Variants in TMEM170A observed in about 807,000 individuals in gnomAD.
TMEM170A encodes the protein transmembrane protein 170A.
A neutral mutation model predicts 12.8 loss-of-function variants in TMEM170A; 18 were observed. The observed-to-expected ratio is 1.41, with a 90% CI of 0.97 to 2.09. The LOEUF (loss-of-function observed/expected upper bound fraction) is 2.09, where lower values mean the gene tolerates loss of function less well. Ranked by LOEUF, TMEM170A falls within the 30% of genes most tolerant of loss-of-function variation. The pLI is 0.00. For synonymous variants in TMEM170A, 107 were observed against 76.2 expected (o/e 1.40, Z -2.11); for missense variants, 220 against 179.9 (o/e 1.22, Z -1.28).
chr16:75,456,863 G>T (rs370340750), intron 1 of TMEM170A, among the ~76,000 whole-genome samples: 2 of 152,054 alleles, frequency 1.3e-5, no homozygotes, highest in East Asian at 3.8e-4. Context: ...ACCACCCACC[G>T]CCAGCTCATC....
At chr16:75,458,737 T>C (rs1335663154) in intron 1 of TMEM170A, 1 of 152,154 alleles carries the variant, frequency 6.6e-6, no homozygotes, top group African/African-American at 2.4e-5. Flanking sequence ...ACAGTAGCAA[T>C]AGCAGTCATA....
intron 1 of TMEM170A, among the ~76,000 whole-genome samples, chr16:75,453,702 T>C (rs1475458341): frequency 6.6e-6 from 1 of 152,188 alleles, no homozygotes; most frequent in Non-Finnish European, 1.5e-5. Flanking sequence ...AAAATATAAA[T>C]GTTTGGCTTG....
At chr16:75,455,796 A>T (rs899476314) in intron 1 of TMEM170A, among the ~76,000 whole-genome samples, 1 of 152,198 alleles carries the variant, frequency 6.6e-6, no homozygotes, top group Admixed American at 6.6e-5. Flanking sequence ...ACAAGGTAAG[A>T]AAAAACAAAG....
intron 1 of TMEM170A, among the ~76,000 whole-genome samples, chr16:75,455,986 T>C (rs2079786593): frequency 1.3e-5 from 2 of 152,002 alleles, no homozygotes; most frequent in African/African-American, 2.4e-5. Context: ...GTGTGTTTTT[T>C]CCCCCAGATC....
chr16:75,462,203 G>C (rs1260095305), intron 1 of TMEM170A, among the ~76,000 whole-genome samples: 2 of 152,286 alleles, frequency 1.3e-5, no homozygotes. Context: ...TATCAATGAA[G>C]ATACAAATTG....
At chr16:75,455,137 C>T (rs771683980) in intron 1 of TMEM170A, among the ~76,000 whole-genome samples, 1 of 152,118 alleles carries the variant, frequency 6.6e-6, no homozygotes, top group Non-Finnish European at 1.5e-5. Flanking sequence ...GCAGGCAGAT[C>T]ACGAGGTCAG....
At chr16:75,450,623 A>G (rs2079665256) in intron 2 of TMEM170A, among the ~76,000 whole-genome samples, 1 of 152,052 alleles carries the variant, frequency 6.6e-6, no homozygotes, top group Admixed American at 6.6e-5. Flanking sequence ...GGGGAAAAAA[A>G]TAACTAGAGC....
intron 1 of TMEM170A, among the ~76,000 whole-genome samples, chr16:75,452,171 C>T (rs1325083513): frequency 2.0e-5 from 3 of 152,064 alleles, no homozygotes; most frequent in Non-Finnish European, 4.4e-5. Flanking sequence ...CGGGGTTTCA[C>T]CATGTTAACC....
chr16:75,461,660 C>A (rs2079910418), intron 1 of TMEM170A, among the ~76,000 whole-genome samples: 1 of 152,174 alleles, frequency 6.6e-6, no homozygotes, highest in Non-Finnish European at 1.5e-5. Context: ...AGATGAGACA[C>A]AGCAGGGAGG....
At chr16:75,461,906 C>T (rs2079915549) in intron 1 of TMEM170A, among the ~76,000 whole-genome samples, 1 of 152,222 alleles carries the variant, frequency 6.6e-6, no homozygotes, top group Non-Finnish European at 1.5e-5. Context: ...CACATGGCTA[C>T]AGATTACCTA....
At chr16:75,459,566 T>C (rs962382709) in intron 1 of TMEM170A, among the ~76,000 whole-genome samples, 2 of 152,178 alleles carry the variant, frequency 1.3e-5, no homozygotes, top group South Asian at 2.1e-4. Context: ...AACACTCTTA[T>C]GTAGTCTTGG....
In TMEM170A at chr16:75,464,476, G is replaced by C. The variant is rs779765470; in HGVS notation, c.125C>G (p.Ser42Cys). 16 of 1,544,148 alleles carry C rather than the reference G, an allele frequency of 1.0e-5. 2 individuals are homozygous for C. In the South Asian group the frequency reaches 1.7e-4, roughly 16 times the overall value. The change falls in exon 1 of 3, where the codon TCC becomes TGC. Residue 42 changes from serine to cysteine, a missense_variant. Ser to Cys is a moderately radical substitution (Grantham distance 112). Transcript: ENST00000561878. ...CGCGGGGCGGGCCGTACCTGGGAAG[G>C]AGCAGAGGGAAGTAGAGTTGGGGCA... Reference protein sequence around the residue: ...TLCPNSTSLCSFPEMWYGVFL... With the variant: ...TLCPNSTSLCCFPEMWYGVFL...
In TMEM170A at chr16:75,464,646, T is replaced by C; in HGVS notation, c.-46A>G. The C allele has an allele frequency of 6.5e-7, 1 of 1,548,050 alleles. No individual in the cohort carries two copies. The highest frequency in any genetic ancestry group is 8.7e-7 in the Non-Finnish European group (1 of 1,153,394). On this transcript the variant is annotated 5_prime_UTR_variant, in exon 1 of 3. Coordinates refer to ENST00000561878, the MANE Select transcript of TMEM170A (RefSeq NM_145254.3). ...AGAAATGAGGGACGAGCGCCCGAAG[T>C]GCGGTAGCGGCCGGCGCCGACTCAC... is the stretch of plus-strand genomic sequence containing the variant.
At position 75,464,673 on chromosome 16, in the gene TMEM170A, C is replaced by G; in HGVS notation, c.-73G>C. On this transcript the variant is annotated 5_prime_UTR_variant, in exon 1 of 3. Coordinates refer to ENST00000561878, the MANE Select transcript of TMEM170A (RefSeq NM_145254.3). ...CGGTAGCGGCCGGCGCCGACTCACCCTCGCCGCCTCAGCGTCACCTCCAGC... is the reference window on the plus strand; with the variant it reads ...CGGTAGCGGCCGGCGCCGACTCACCGTCGCCGCCTCAGCGTCACCTCCAGC... 1 of 1,515,960 alleles carries G rather than the reference C, an allele frequency of 6.6e-7. No homozygotes were observed. The highest frequency in any genetic ancestry group is 8.8e-7 in the Non-Finnish European group (1 of 1,140,326). The allele number at this position is 1,515,960 out of a possible 1,614,324, so 93.9% of individuals were successfully genotyped here.
chr16:75,455,738 G>C (rs1270248855), intron 1 of TMEM170A, among the ~76,000 whole-genome samples: 1 of 152,176 alleles, frequency 6.6e-6, no homozygotes, highest in Admixed American at 6.5e-5. Context: ...CCAGGAGGCA[G>C]AGGTCGCAAT....
In TMEM170A at chr16:75,464,672, C is replaced by T; in HGVS notation, c.-72G>A. 6.6e-7 allele frequency: 1 copy of T among 1,515,766 alleles called. No homozygotes were observed. Among genetic ancestry groups the T allele is most frequent in the Non-Finnish European group, 8.8e-7 (1 of 1,140,348 alleles). The allele number at this position is 1,515,766 out of a possible 1,614,324, so 93.9% of individuals were successfully genotyped here. A position where few individuals can be genotyped will look rare whatever the true frequency, so the allele number is the denominator to read the frequency against. On this transcript the variant is annotated 5_prime_UTR_variant, in exon 1 of 3. Coordinates refer to ENST00000561878, the MANE Select transcript of TMEM170A (RefSeq NM_145254.3). ...GCGGTAGCGGCCGGCGCCGACTCACCCTCGCCGCCTCAGCGTCACCTCCAG... is the reference window on the plus strand; with the variant it reads ...GCGGTAGCGGCCGGCGCCGACTCACTCTCGCCGCCTCAGCGTCACCTCCAG...
Position 75,464,570 on chromosome 16 carries a change from CGCCGCT to C in TMEM170A, c.25_30del (p.Ser9_Gly10del). On this transcript the variant is annotated inframe_deletion, in exon 1 of 3. Coordinates refer to ENST00000561878, the MANE Select transcript of TMEM170A (RefSeq NM_145254.3). ...ATCTGCTGCAGGAGCCCGGCCGACC[CGCCGCT>C]GCCGCCGCTCCCCTCGCGCTCCATC... 6.3e-7 allele frequency: 1 copy of C among 1,586,562 alleles called. No homozygotes were observed. The highest frequency in any genetic ancestry group is 8.6e-7 in the Non-Finnish European group (1 of 1,169,422).
chr16:75,448,376 TG>T (rs2151626762), intron 2 of TMEM170A, among the ~76,000 whole-genome samples: 1 of 152,340 alleles, frequency 6.6e-6, no homozygotes, highest in African/African-American at 2.4e-5. Context: ...CGAAAACCCC[TG>T]TATCTATGCA....
intron 2 of TMEM170A, 61 bp from the exon 3 acceptor site, chr16:75,447,749 A>C: frequency 6.6e-7 from 1 of 1,520,944 alleles, no homozygotes; most frequent in South Asian, 1.2e-5. Flanking sequence ...AAACTCACGA[A>C]AATACAACAT....
Sources: gnomAD v4.1 joint callset for allele counts (sites outside exome capture counted in the v4.1 genomes callset) on GRCh38, gnomAD v4.1.1 for gene constraint, MANE v1.5 for transcripts, NCBI Gene and HGNC (gene_info 2026-07-23, HGNC 2026-07-21) for gene names.